Variants in ZBTB7C observed in about 807,000 individuals in gnomAD.
ZBTB7C encodes the protein zinc finger and BTB domain-containing protein 7C.
Under a neutral mutation model 25.7 loss-of-function variants are expected in ZBTB7C, and 8 were observed. That is an observed-to-expected ratio of 0.31 (90% CI 0.18 to 0.56). The LOEUF (loss-of-function observed/expected upper bound fraction) is 0.56, where lower values mean the gene tolerates loss of function less well. Among genes scored for constraint, ZBTB7C ranks in the 20% least tolerant of loss-of-function variants. The pLI, the probability that ZBTB7C is intolerant of heterozygous loss-of-function variation, is 0.91. For missense variants in ZBTB7C, 824 were observed against 855.2 expected, an observed-to-expected ratio of 0.96 and a Z score of 0.46; for synonymous variants, 394 against 369.0, an observed-to-expected ratio of 1.07 and a Z score of -0.78.
chr18:48,409,193 C>CGCGCGACCCCGGCAGCT (rs2048351210), intron 1 of ZBTB7C, 33 bp downstream of exon 1: 1 of 149,794 alleles, frequency 6.7e-6, no homozygotes, highest in African/African-American at 2.4e-5. Flanking sequence ...CCCCGGCAGC[C>CGCGCGACCCCGGCAGCT]GGCGCCCGAG....
At chr18:48,136,522 C>A (rs937555649) in intron 3 of ZBTB7C, among the ~76,000 whole-genome samples, 1 of 152,182 alleles carries the variant, frequency 6.6e-6, no homozygotes, top group African/African-American at 2.4e-5. Context: ...CCCTCCCTCC[C>A]GTCCCCAAGT....
chr18:48,268,505 G>A (rs945760934), intron 2 of ZBTB7C, among the ~76,000 whole-genome samples: 3 of 152,190 alleles, frequency 2.0e-5, no homozygotes, highest in Admixed American at 2.0e-4. Flanking sequence ...GGCTTAACAG[G>A]AGTCTTGCTA....
intron 2 of ZBTB7C, among the ~76,000 whole-genome samples, chr18:48,210,823 T>G (rs184161541): frequency 6.6e-6 from 1 of 152,078 alleles, no homozygotes; most frequent in Non-Finnish European, 1.5e-5. Flanking sequence ...AAATTATATA[T>G]CAATTAAACT....
At chr18:48,313,602 G>C (rs1568369840) in intron 2 of ZBTB7C, among the ~76,000 whole-genome samples, 1 of 152,196 alleles carries the variant, frequency 6.6e-6, no homozygotes, top group Non-Finnish European at 1.5e-5. Context: ...TGCTAGAAAT[G>C]TAGAGTCTCT....
intron 3 of ZBTB7C, among the ~76,000 whole-genome samples, chr18:48,078,938 AT>A (rs776455898): frequency 1.4e-5 from 2 of 141,674 alleles, no homozygotes; most frequent in African/African-American, 3.2e-5. Flanking sequence ...CAATTTGTTC[AT>A]TCATTCATTC....
At chr18:48,263,243 G>A (rs1244452021) in intron 2 of ZBTB7C, among the ~76,000 whole-genome samples, 2 of 152,192 alleles carry the variant, frequency 1.3e-5, no homozygotes, top group African/African-American at 2.4e-5. Flanking sequence ...CACTCTGACT[G>A]CCTCAGCCCA....
chr18:48,379,835 C>T (rs1057119913), intron 1 of ZBTB7C, among the ~76,000 whole-genome samples: 6 of 152,142 alleles, frequency 3.9e-5, no homozygotes, highest in African/African-American at 1.4e-4. Flanking sequence ...GACTCCTCAT[C>T]AAAGAAAACA....
At chr18:48,363,566 G>C (rs1244142058) in intron 1 of ZBTB7C, among the ~76,000 whole-genome samples, 1 of 152,148 alleles carries the variant, frequency 6.6e-6, no homozygotes, top group Non-Finnish European at 1.5e-5. Context: ...AATATGAGAT[G>C]AATTTTGAAG....
intron 2 of ZBTB7C, among the ~76,000 whole-genome samples, chr18:48,336,609 A>G (rs185506399): frequency 6.6e-6 from 1 of 152,228 alleles, no homozygotes; most frequent in Non-Finnish European, 1.5e-5. Context: ...ACAGGTAATC[A>G]GTAAACATTA....
chr18:48,376,382 G>GAA (rs2047519398), intron 1 of ZBTB7C, among the ~76,000 whole-genome samples: 1 of 151,784 alleles, frequency 6.6e-6, no homozygotes, highest in Non-Finnish European at 1.5e-5. Context: ...TGCCCTCTAA[G>GAA]AAGCAGATCG....
At chr18:48,349,777 A>T (rs911046726) in intron 1 of ZBTB7C, among the ~76,000 whole-genome samples, 1 of 152,142 alleles carries the variant, frequency 6.6e-6, no homozygotes, top group Admixed American at 6.5e-5. Context: ...CATTTAACAG[A>T]GGCCATGCAG....
At chr18:48,286,629 G>C (rs1598784413) in intron 2 of ZBTB7C, among the ~76,000 whole-genome samples, 1 of 152,120 alleles carries the variant, frequency 6.6e-6, no homozygotes, top group Admixed American at 6.5e-5. Context: ...TATTAGGGTG[G>C]AAAATTTAGA....
rs940037196 is a variant in ZBTB7C at position 48,141,564 on chromosome 18, C to CG, written c.-17+44369dup. On this transcript the variant is annotated intron_variant, in intron 3 of 4. Transcript: ENST00000590800. ...TTGTAGAGAAAATTCGTGAACTGGG[C>CG]GGGGGGGAAAGTAACCCATAATCTC... Among the ~76,000 whole-genome samples the CG allele has an allele frequency of 7.4e-5, 11 of 147,800 alleles. No homozygotes were observed. In the East Asian group the frequency reaches 7.8e-4, roughly 10 times the overall value.
rs146707936 is a variant in ZBTB7C, at chr18:48,222,132, C to T, written c.-78-36137G>A. Among the ~76,000 whole-genome samples, 473 of 152,242 alleles carry T rather than the reference C, an allele frequency of 3.1e-3. 3 individuals are homozygous for T. The highest frequency in any genetic ancestry group is 5.1e-3 in the Non-Finnish European group (347 of 67,994). On this transcript the variant is annotated intron_variant, in intron 2 of 4. Transcript: ENST00000590800. ...AATCTCCCCTCTATACTGTCCTAGT[C>T]TCCTGTCTTTATTGTCTCTAGCCTC...
At chr18:48,293,610 GCAGTC>G (rs1386843429) in intron 2 of ZBTB7C, among the ~76,000 whole-genome samples, 1 of 152,246 alleles carries the variant, frequency 6.6e-6, no homozygotes, top group East Asian at 1.9e-4. Flanking sequence ...TAGAATAAAA[GCAGTC>G]CAAAGACTGA....
At chr18:48,091,829 T>C (rs2038428646) in intron 3 of ZBTB7C, among the ~76,000 whole-genome samples, 1 of 152,196 alleles carries the variant, frequency 6.6e-6, no homozygotes, top group Non-Finnish European at 1.5e-5. Context: ...CATTGTCCAA[T>C]GATACCTTCA....
chr18:48,322,142 A>G (rs1598868262), intron 2 of ZBTB7C, among the ~76,000 whole-genome samples: 1 of 152,184 alleles, frequency 6.6e-6, no homozygotes, highest in Middle Eastern at 3.4e-3. Context: ...CTCCTTAGAG[A>G]CGATGGCCTT....
At chr18:48,309,070 T>A (rs2045749712) in intron 2 of ZBTB7C, among the ~76,000 whole-genome samples, 2 of 152,124 alleles carry the variant, frequency 1.3e-5, no homozygotes, top group African/African-American at 4.8e-5. Context: ...AGAAGACCCC[T>A]CTCAGGCTTG....
intron 3 of ZBTB7C, among the ~76,000 whole-genome samples, chr18:48,181,406 G>A (rs1219615263): frequency 1.3e-5 from 2 of 152,188 alleles, no homozygotes; most frequent in African/African-American, 4.8e-5. Flanking sequence ...TCCCCACTCA[G>A]TGGACAAGGG....
Sources: allele counts gnomAD v4.1 joint callset (sites outside exome capture counted in the v4.1 genomes callset), GRCh38; gene constraint gnomAD v4.1.1; transcripts MANE v1.5; gene names NCBI Gene and HGNC (gene_info 2026-07-23, HGNC 2026-07-21).